The following GYS1 variants were observed in gnomAD, a reference collection of about 807,000 sequenced individuals.
The protein encoded by GYS1 is glycogen synthase 1.
A neutral mutation model predicts 89.1 loss-of-function variants in GYS1; 60 were observed. The observed-to-expected ratio is 0.67, with a 90% CI of 0.55 to 0.84. The LOEUF (loss-of-function observed/expected upper bound fraction) is 0.84, where lower values mean the gene tolerates loss of function less well. Ranked by LOEUF, GYS1 falls within the 40% of genes least tolerant of loss-of-function variation. The probability of loss-of-function intolerance (pLI) is 0.00; values close to 1 mark genes in which losing one functional copy is unlikely to be tolerated. For missense variants in GYS1, 888 were observed against 1,003.1 expected, an observed-to-expected ratio of 0.89 and a Z score of 1.55; for synonymous variants, 366 against 401.7, an observed-to-expected ratio of 0.91 and a Z score of 1.06.
rs540438011 is a variant in GYS1 at position 48,991,395 on chromosome 19, C to T, written c.207G>A (p.Thr69=). 189 of 1,614,172 alleles carry T rather than the reference C, an allele frequency of 1.2e-4. 1 individual carries two copies. The Admixed American group carries it at 3.1e-3, about 26-fold the overall frequency. ...CCACCTGGGTCCTCACGCCCTGCTC[C>T]GTGTACGGCCCCACCAGGAAGTAGT... The part of the protein sequence containing the change: ...GDNYFLVGPY[T]EQGVRTQVEL... The change falls in exon 2 of 16, where the codon ACG becomes ACA. Residue 69 remains threonine (T), a synonymous_variant. Coordinates refer to ENST00000323798, the MANE Select transcript of GYS1 (RefSeq NM_002103.5). This position sits in a 1 kb window ranked among gnomAD's most constrained non-coding sequence, Gnocchi z 4.7.
At position 48,991,202 on chromosome 19, in the gene GYS1, T is replaced by G; in HGVS notation, c.300+100A>C. 7.6e-7 allele frequency: 1 copy of G among 1,308,082 alleles called. No homozygotes were observed. Among genetic ancestry groups the G allele is most frequent in the Non-Finnish European group, 1.1e-6 (1 of 912,356 alleles). The allele number at this position is 1,308,082 out of a possible 1,614,324, so 81.0% of individuals were successfully genotyped here. A position where few individuals can be genotyped will look rare whatever the true frequency, so the allele number is the denominator to read the frequency against. ...TCCTGTGTCCAAGCCTGCCTCGCTC[T>G]CTGGCTGGGGCTGTCCACCCTGCAC... is the stretch of plus-strand genomic sequence containing the variant. On this transcript the variant is annotated intron_variant, in intron 2 of 15. Coordinates refer to ENST00000323798, the MANE Select transcript of GYS1 (RefSeq NM_002103.5). The surrounding 1 kb of genome is among the most constrained non-coding windows in gnomAD (Gnocchi z 4.7).
At position 48,986,003 on chromosome 19, in the gene GYS1, C is replaced by G. The variant is rs1207063363; in HGVS notation, c.525G>C (p.Val175=). The G allele has an allele frequency of 6.2e-7, 1 of 1,614,168 alleles. No homozygotes were observed. The highest frequency in any genetic ancestry group is 8.5e-7 in the Non-Finnish European group (1 of 1,180,030). ...CCAACCACTCATGGAAGTGAGCAAC[C>G]ACATGTGGCTTCTCCTCACTCTGTG... ...FLAQSEEKPH[V]VAHFHEWLAG... Residue 175 remains valine (V), a synonymous_variant, in exon 4 of 16, where the codon GTG becomes GTC. Coordinates refer to ENST00000323798, the MANE Select transcript of GYS1 (RefSeq NM_002103.5).
rs377386000 is a variant in GYS1 at position 48,991,732 on chromosome 19, G to A, written c.119-249C>T. Among the ~76,000 whole-genome samples the A allele has an allele frequency of 6.6e-6, 1 of 152,068 alleles. No homozygotes were observed. The highest frequency in any genetic ancestry group is 1.5e-5 in the Non-Finnish European group (1 of 67,992). On this transcript the variant is annotated intron_variant, in intron 1 of 15. Coordinates refer to ENST00000323798, the MANE Select transcript of GYS1 (RefSeq NM_002103.5). The surrounding 1 kb of genome is among the most constrained non-coding windows in gnomAD (Gnocchi z 4.7). ...GGGGTCAGGACCCTGAAGGAGGAGG[G>A]GGCTCAGGCTAGACTTCTGGGTCTG...
At position 48,986,024 on chromosome 19, in the gene GYS1, C is replaced by A; in HGVS notation, c.504G>T (p.Gln168His). 1.2e-6 allele frequency: 2 copies of A among 1,614,112 alleles called. No individual in the cohort carries two copies. The highest frequency in any genetic ancestry group is 8.5e-7 in the Non-Finnish European group (1 of 1,180,020). The stretch of plus-strand genomic sequence containing the variant: ...CAACCACATGTGGCTTCTCCTCACT[C>A]TGTGCCAGGAACTGTGGGCAACAGG... ...TTWFLGEFLA[Q>H]SEEKPHVVAH... Residue 168 changes from glutamine to histidine, a missense_variant, in exon 4 of 16, where the codon CAG becomes CAT. Physicochemically the swap from Gln to His is conservative, Grantham distance 24 (BLOSUM62 0). Transcript: ENST00000323798.
intron 12 of GYS1, among the ~76,000 whole-genome samples, chr19:48,973,980 G>A (rs2122474420): frequency 6.6e-6 from 1 of 151,268 alleles, no homozygotes; most frequent in Non-Finnish European, 1.5e-5. Flanking sequence ...CTGGGAGAAA[G>A]CAGTGTGAAC....
At chr19:48,986,488 T>G (rs1050861391) in intron 3 of GYS1, among the ~76,000 whole-genome samples, 5 of 150,748 alleles carry the variant, frequency 3.3e-5, no homozygotes, top group South Asian at 2.1e-4. Context: ...AAATTAAGCT[T>G]CTTTTTTTTT....
intron 5 of GYS1, among the ~76,000 whole-genome samples, 190 bp from the exon 6 acceptor site, chr19:48,983,027 C>T (rs903406822): frequency 1.3e-5 from 2 of 152,164 alleles, no homozygotes; most frequent in Admixed American, 1.3e-4. Flanking sequence ...CTCTCTGTCG[C>T]TCAGGCTGGA....
chr19:48,969,328 G>T lies in GYS1; in HGVS notation c.2174C>A (p.Pro725His). 6.3e-7 allele frequency: 1 copy of T among 1,583,236 alleles called. No homozygotes were observed. ...GCCCAGGGAGCTGGTGGGGCTGAGG[G>T]GCTCGCTCGGGGTGCTGAGTGAGCT... Reference protein sequence around the residue: ...TSSSLSTPSEPLSPTSSLGEE... With the variant: ...TSSSLSTPSEHLSPTSSLGEE... The change falls in exon 16 of 16, where the codon CCC becomes CAC. Residue 725 changes from proline (P) to histidine (H), a missense_variant. Physicochemically the swap from Pro to His is moderately conservative, Grantham distance 77 (BLOSUM62 -2). Transcript: ENST00000323798.
rs199754451 is a variant in GYS1, at chr19:48,974,198, G to A, written c.1549+15C>T. 16 of 1,587,892 alleles carry A rather than the reference G, an allele frequency of 1.0e-5. No individual in the cohort carries two copies. In the African/African-American group the frequency reaches 1.2e-4, roughly 12 times the overall value. On this transcript the variant is annotated intron_variant, in intron 12 of 15. Transcript: ENST00000323798. ...GGATGCCATGACCACGCTGTCCCCT[G>A]CCCACTACACTCACCCGGTGTGTAG... is the stretch of plus-strand genomic sequence containing the variant.
chr19:48,971,166 C>T, intron 12 of GYS1, 143 bp from the exon 13 acceptor site: 1 of 710,596 alleles, frequency 1.4e-6, no homozygotes, highest in South Asian at 1.5e-5. Context: ...CCCCCACAAC[C>T]AGGCTGTGCA....
chr19:48,969,959 G>A, intron 14 of GYS1, 104 bp from the exon 15 acceptor site: 1 of 746,006 alleles, frequency 1.3e-6, no homozygotes. Flanking sequence ...TGAGCACACT[G>A]CTGCACCCCA....
intron 12 of GYS1, among the ~76,000 whole-genome samples, chr19:48,972,116 G>A (rs1220179139): frequency 1.3e-5 from 2 of 150,720 alleles, no homozygotes; most frequent in African/African-American, 4.9e-5. Flanking sequence ...GGATCACGAG[G>A]TCAAGAAGAG....
In GYS1 at chr19:48,985,553, A is replaced by G. The variant is rs2038829680; in HGVS notation, c.731T>C (p.Met244Thr). 6.2e-7 allele frequency: 1 copy of G among 1,613,848 alleles called. No individual in the cohort carries two copies. Among genetic ancestry groups the G allele is most frequent in the Non-Finnish European group, 8.5e-7 (1 of 1,179,890 alleles). Residue 244 changes from methionine (M) to threonine (T), a missense_variant, in exon 5 of 16, where the codon ATG becomes ACG. Coordinates refer to ENST00000323798, the MANE Select transcript of GYS1 (RefSeq NM_002103.5). ...GERQIYHRYC[M>T]ERAAAHCAHV... Reference sequence around the variant, plus strand: ...AGCGCAGTGGGCTGCCGCCCTTTCCATGCAGTATCGGTGGTAGATCTGCCT... The same window carrying G: ...AGCGCAGTGGGCTGCCGCCCTTTCCGTGCAGTATCGGTGGTAGATCTGCCT...
intron 6 of GYS1, 88 bp downstream of exon 6, chr19:48,982,632 G>T: frequency 9.7e-7 from 1 of 1,029,492 alleles, no homozygotes; most frequent in South Asian, 1.3e-5. Flanking sequence ...CCAGGAGTCT[G>T]GGCCCCCAGC....
intron 2 of GYS1, among the ~76,000 whole-genome samples, chr19:48,990,888 G>A (rs915315587): frequency 3.9e-5 from 6 of 152,160 alleles, no homozygotes; most frequent in Admixed American, 1.3e-4. Context: ...TCCGCCTCCC[G>A]GGTTCAAGCG....
chr19:48,970,806 C>A, intron 13 of GYS1, 97 bp from the exon 14 acceptor site: 1 of 1,421,182 alleles, frequency 7.0e-7, no homozygotes, highest in Non-Finnish European at 9.9e-7. Flanking sequence ...TCCCAGCGGC[C>A]CGAGAGCCCC....
At position 48,981,621 on chromosome 19, in the gene GYS1, G is replaced by T. The variant is rs1003071543; in HGVS notation, c.1078C>A (p.Gln360Lys). The T allele has an allele frequency of 1.2e-5, 19 of 1,610,058 alleles. No homozygotes were observed. The Admixed American group carries it at 2.2e-4, about 18-fold the overall frequency. Residue 360 changes from glutamine (Q) to lysine (K), a missense_variant, in exon 8 of 16, where the codon CAG (glutamine) becomes AAG (lysine). Physicochemically the swap from Gln to Lys is moderately conservative, Grantham distance 53 (BLOSUM62 1). Coordinates refer to ENST00000323798, the MANE Select transcript of GYS1 (RefSeq NM_002103.5). ...ATGATGAAGAAGGCAACCACTGTCT[G>T]CTCGCTGCCGTTCACCTGCGCAGAA... ...NYLLRVNGSEQTVVAFFIMPA... is the reference protein window; with the variant it reads ...NYLLRVNGSEKTVVAFFIMPA...
Position 48,968,991 on chromosome 19 carries a change from C to T in GYS1, c.*297G>A, listed in dbSNP as rs574650090. 2 of 618,306 alleles carry T rather than the reference C, an allele frequency of 3.2e-6. No individual in the cohort carries two copies. The highest frequency in any genetic ancestry group is 3.0e-5 in the South Asian group (2 of 65,922). The allele number at this position is 618,306 out of a possible 1,614,324, so 38.3% of individuals were successfully genotyped here. On this transcript the variant is annotated 3_prime_UTR_variant, in exon 16 of 16. Coordinates refer to ENST00000323798, the MANE Select transcript of GYS1 (RefSeq NM_002103.5). The stretch of plus-strand genomic sequence containing the variant: ...ATGCCAGGTTTCCTAAAACCTCTGG[C>T]ACCACCGCAGAGTAATGGCAGATTC...
chr19:48,976,771 G>T lies in GYS1; in HGVS notation c.1308+1153C>A, dbSNP rs1216488750. On this transcript the variant is annotated intron_variant, in intron 10 of 15. Transcript: ENST00000323798. ...TTCTTTTCTTTCTTTTCCTTCTTTC[G>T]TGTGTGTGTGTATGTGTCCGCCTCG... is the stretch of plus-strand genomic sequence containing the variant. Among the ~76,000 whole-genome samples the T allele has an allele frequency of 2.6e-5, 4 of 151,336 alleles. No homozygotes were observed. The East Asian group carries it at 7.8e-4, about 30-fold the overall frequency.
Sources: gnomAD v4.1 joint callset for allele counts (sites outside exome capture counted in the v4.1 genomes callset) on GRCh38, gnomAD v4.1.1 for gene constraint, Gnocchi (gnomAD v3.1) non-coding constraint, MANE v1.5 for transcripts, NCBI Gene and HGNC (gene_info 2026-07-23, HGNC 2026-07-21) for gene names.